TET1: variants seen among roughly 807,000 people sequenced by gnomAD.
TET1 encodes the protein methylcytosine dioxygenase TET1.
TET1 carries 13 observed loss-of-function variants against 148.7 expected under a neutral mutation model. That is an observed-to-expected ratio of 0.09 (90% CI 0.06 to 0.14). The LOEUF (loss-of-function observed/expected upper bound fraction) is 0.14, where lower values mean the gene tolerates loss of function less well. Ranked by LOEUF, TET1 falls within the 10% of genes least tolerant of loss-of-function variation. TET1 has a pLI of 1.00. For missense variants in TET1, 2,182 were observed against 2,553.8 expected, an observed-to-expected ratio of 0.85 and a Z score of 3.14; for synonymous variants, 907 against 937.2, an observed-to-expected ratio of 0.97 and a Z score of 0.59.
chr10:68,668,715 G>C (rs1252164480), intron 7 of TET1, among the ~76,000 whole-genome samples: 3 of 152,164 alleles, frequency 2.0e-5, no homozygotes, highest in Non-Finnish European at 4.4e-5. Context: ...GAGTAGCTGG[G>C]ACTACAGGCA....
rs376888861 is a variant in TET1 at position 68,645,135 on chromosome 10, C to T, written c.2406C>T (p.Asn802=). 345 of 1,613,810 alleles carry T rather than the reference C, an allele frequency of 2.1e-4. 2 individuals are homozygous for T. Among genetic ancestry groups the T allele is most frequent in the Middle Eastern group, 3.3e-4 (2 of 6,084 alleles). Reference sequence around the variant, plus strand: ...TAAAAGACACTGCAAACCATAAAAACGCTATGAGCTCTGTTGCTACTGATA... The same window carrying T: ...TAAAAGACACTGCAAACCATAAAAATGCTATGAGCTCTGTTGCTACTGATA... The part of the protein sequence containing the change: ...KFLKDTANHK[N]AMSSVATDMS... The change falls in exon 4 of 12, where the codon AAC becomes AAT. Residue 802 remains asparagine, a synonymous_variant. Transcript: ENST00000373644.
chr10:68,668,741 C>T (rs970242021), intron 7 of TET1, among the ~76,000 whole-genome samples: 3 of 151,764 alleles, frequency 2.0e-5, no homozygotes, highest in African/African-American at 7.3e-5. Flanking sequence ...TTTGGGAGGC[C>T]GACAAGGGAG....
intron 6 of TET1, among the ~76,000 whole-genome samples, chr10:68,657,176 A>AT (rs1169492294): frequency 1.3e-5 from 2 of 151,776 alleles, no homozygotes; most frequent in South Asian, 2.1e-4. Context: ...TACAAAAAAA[A>AT]TTTTTTTTCT....
intron 3 of TET1, among the ~76,000 whole-genome samples, chr10:68,641,749 C>A (rs978827509): frequency 6.6e-6 from 1 of 152,256 alleles, no homozygotes; most frequent in South Asian, 2.1e-4. Flanking sequence ...GATCCGCTCA[C>A]GTTTGCCTCC....
chr10:68,641,677 TA>T (rs2133070362), intron 3 of TET1, among the ~76,000 whole-genome samples: 1 of 150,660 alleles, frequency 6.6e-6, no homozygotes, highest in South Asian at 2.1e-4. Context: ...TTTTTTTTTG[TA>T]TTTTGGTAGA....
At chr10:68,637,697 C>T (rs539873044) in intron 3 of TET1, among the ~76,000 whole-genome samples, 1 of 151,258 alleles carries the variant, frequency 6.6e-6, no homozygotes, top group South Asian at 2.1e-4. Context: ...ACATGGCAAA[C>T]CCCGTCTCTA....
intron 2 of TET1, among the ~76,000 whole-genome samples, chr10:68,600,525 G>T (rs944153258): frequency 2.6e-5 from 4 of 152,208 alleles, no homozygotes; most frequent in African/African-American, 9.7e-5. Flanking sequence ...GAGTTGCTAA[G>T]CTCTGCATTG....
intron 3 of TET1, among the ~76,000 whole-genome samples, chr10:68,609,169 A>AT (rs1336803568): frequency 6.2e-4 from 93 of 149,584 alleles, no homozygotes; most frequent in Middle Eastern, 6.9e-3. Flanking sequence ...GACTAATTTT[A>AT]TTTTTTTTTG....
At chr10:68,639,002 G>C (rs905746247) in intron 3 of TET1, among the ~76,000 whole-genome samples, 1 of 151,766 alleles carries the variant, frequency 6.6e-6, no homozygotes, top group African/African-American at 2.4e-5. Flanking sequence ...CTTGCTTCAG[G>C]GTGGGTAGGA....
chr10:68,661,923 C>T (rs2055125569), intron 6 of TET1, among the ~76,000 whole-genome samples: 1 of 142,378 alleles, frequency 7.0e-6, no homozygotes, highest in Admixed American at 7.3e-5. Context: ...CTGTTGCCTC[C>T]CAGGCTAGAG....
intron 4 of TET1, among the ~76,000 whole-genome samples, chr10:68,647,932 G>C (rs1261050216): frequency 6.6e-6 from 1 of 152,122 alleles, no homozygotes; most frequent in Admixed American, 6.6e-5. Context: ...CTATTTCTCT[G>C]CAATACAAAG....
intron 8 of TET1, among the ~76,000 whole-genome samples, chr10:68,677,250 G>C (rs771631500): frequency 9.2e-5 from 14 of 152,110 alleles, no homozygotes; most frequent in Non-Finnish European, 1.8e-4. Context: ...CTCATCAAAC[G>C]GGGGCAGTTT....
intron 2 of TET1, among the ~76,000 whole-genome samples, chr10:68,576,080 T>C (rs570640378): frequency 2.7e-5 from 4 of 145,512 alleles, no homozygotes; most frequent in African/African-American, 5.1e-5. Context: ...GTGAGGCTGG[T>C]CATGGTGGCT....
intron 6 of TET1, among the ~76,000 whole-genome samples, chr10:68,661,324 A>G (rs900375692): frequency 2.0e-5 from 3 of 150,722 alleles, no homozygotes; most frequent in Non-Finnish European, 4.4e-5. Context: ...CTAGGATTAC[A>G]GGCATGAGCC....
chr10:68,604,712 G>T lies in TET1; in HGVS notation c.1968+3678G>T, dbSNP rs535779763. ...GAAGGTTATGGAAGGTGGAATGTAG[G>T]CCTGGAAGGGAAAACAACATACTGG... is the stretch of plus-strand genomic sequence containing the variant. On this transcript the variant is annotated intron_variant, in intron 3 of 11. Transcript: ENST00000373644. Among the ~76,000 whole-genome samples the T allele has an allele frequency of 7.9e-5, 12 of 152,316 alleles. No individual in the cohort carries two copies. In the South Asian group the frequency reaches 2.3e-3, roughly 29 times the overall value.
chr10:68,669,186 A>G (rs1020657020), intron 7 of TET1, among the ~76,000 whole-genome samples: 16 of 152,092 alleles, frequency 1.1e-4, no homozygotes, highest in Non-Finnish European at 2.4e-4. Flanking sequence ...TTGCCGTTAC[A>G]GTGAGCTCTG....
chr10:68,608,117 CT>C (rs773687857), intron 3 of TET1, among the ~76,000 whole-genome samples: 7 of 151,946 alleles, frequency 4.6e-5, no homozygotes, highest in Non-Finnish European at 8.8e-5. Context: ...TTAGTAGAGA[CT>C]GGGGTTTCAT....
rs2055607525 is a variant in TET1, at chr10:68,692,548, C to T, written c.*734C>T. The T allele has an allele frequency of 4.3e-6, 1 of 232,300 alleles. No homozygotes were observed. Among genetic ancestry groups the T allele is most frequent in the Admixed American group, 5.6e-5 (1 of 17,742 alleles). The allele number at this position is 232,300 out of a possible 1,614,324, so 14.4% of individuals were successfully genotyped here. The stretch of plus-strand genomic sequence containing the variant: ...TCATTTATCCTTGCTGTGTAGAGTT[C>T]CATCTTGTTAACTGCAGTATGTATT... On this transcript the variant is annotated 3_prime_UTR_variant, in exon 12 of 12. Coordinates refer to ENST00000373644, the MANE Select transcript of TET1 (RefSeq NM_030625.3).
chr10:68,645,509 T>C lies in TET1; in HGVS notation c.2780T>C (p.Leu927Pro), dbSNP rs1272700233. Residue 927 changes from leucine (L) to proline (P), a missense_variant, in exon 4 of 12, where the codon CTT (leucine) becomes CCT (proline). Leu to Pro is a moderately conservative substitution (Grantham distance 98, BLOSUM62 -3). Around this residue, in one of 11 missense-constraint regions of TET1, gnomAD observed 582 missense variants for 599.5 expected, o/e 0.97. Coordinates refer to ENST00000373644, the MANE Select transcript of TET1 (RefSeq NM_030625.3). ...TCAGAGCAGAGAACAGCCAGTTTGC[T>C]TAATAGCTGCAAAGCTATCCTCTAC... is the stretch of plus-strand genomic sequence containing the variant. ...EESEQRTASL[L>P]NSCKAILYTV... The C allele has an allele frequency of 2.5e-6, 4 of 1,613,958 alleles. No homozygotes were observed. The highest frequency in any genetic ancestry group is 3.4e-6 in the Non-Finnish European group (4 of 1,180,052).
Sources: allele counts gnomAD v4.1 joint callset (sites outside exome capture counted in the v4.1 genomes callset), GRCh38; gene constraint gnomAD v4.1.1; regional missense constraint gnomAD v4.1.1; transcripts MANE v1.5; gene names NCBI Gene and HGNC (gene_info 2026-07-23, HGNC 2026-07-21).